Variants in MBNL1 observed in about 807,000 individuals in gnomAD.
MBNL1 encodes the protein muscleblind-like protein 1.
MBNL1 carries 8 observed loss-of-function variants against 42.2 expected under a neutral mutation model. The observed-to-expected ratio is 0.19, with a 90% CI of 0.11 to 0.34. The LOEUF is 0.34. Ranked by LOEUF, MBNL1 falls within the 10% of genes least tolerant of loss-of-function variation. The probability of loss-of-function intolerance (pLI) is 1.00; values close to 1 mark genes in which losing one functional copy is unlikely to be tolerated. For missense variants in MBNL1, 309 were observed against 495.3 expected (o/e 0.62, Z 3.57); for synonymous variants, 169 against 173.9 (o/e 0.97, Z 0.22).
At chr3:152,289,972 T>A (rs1200141083) in intron 1 of MBNL1, among the ~76,000 whole-genome samples, 1 of 151,200 alleles carries the variant, frequency 6.6e-6, no homozygotes, top group Non-Finnish European at 1.5e-5. Context: ...AGTCATTGTA[T>A]TCTGAAAAAT....
chr3:152,455,418 C>T (rs1731729272), intron 6 of MBNL1, 124 bp from the exon 7 acceptor site: 2 of 759,330 alleles, frequency 2.6e-6, no homozygotes, highest in Non-Finnish European at 4.8e-6. Flanking sequence ...TTACATGCCA[C>T]TGTTCCCATA....
rs147145320 is a variant in MBNL1 at position 152,408,263 on chromosome 3, A to T, written c.175-6678A>T. On this transcript the variant is annotated intron_variant, in intron 2 of 9. Coordinates refer to ENST00000324210, the MANE Select transcript of MBNL1 (RefSeq NM_021038.5). ...AACAGGATATATACTATGTATATTT[A>T]CTCTGTGGTATAGTATACTACTTGT... is the stretch of plus-strand genomic sequence containing the variant. Among the ~76,000 whole-genome samples the T allele has an allele frequency of 3.7e-3, 571 of 152,270 alleles. 3 individuals are homozygous for T. The highest frequency in any genetic ancestry group is 0.013 in the African/African-American group (547 of 41,550).
chr3:152,420,977 GGTATCA>G, intron 3 of MBNL1, among the ~76,000 whole-genome samples: 1 of 152,228 alleles, frequency 6.6e-6, no homozygotes, highest in East Asian at 1.9e-4. Context: ...AGCATACACA[GGTATCA>G]GTAGCTGAAT....
chr3:152,449,147 A>G (rs962385871), intron 6 of MBNL1: 2 of 152,218 alleles, frequency 1.3e-5, no homozygotes, highest in Admixed American at 6.5e-5. Flanking sequence ...CAGTTTTTCT[A>G]TAGTCAGATG....
rs2059308976 is a variant in MBNL1 at position 152,297,848 on chromosome 3, G to A, written c.-789-1557G>A. On this transcript the variant is annotated intron_variant, in intron 1 of 9. Coordinates refer to ENST00000324210, the MANE Select transcript of MBNL1 (RefSeq NM_021038.5). ...TTTTTGTATTTTTAATAGATATGGG[G>A]TTTTACCATGTTGGCCAGGCTGGTC... Among the ~76,000 whole-genome samples, 3 of 151,920 alleles carry A rather than the reference G, an allele frequency of 2.0e-5. No individual in the cohort carries two copies. The South Asian group carries it at 6.2e-4, about 32-fold the overall frequency.
chr3:152,330,336 G>A (rs901651746), intron 2 of MBNL1, among the ~76,000 whole-genome samples: 14 of 152,124 alleles, frequency 9.2e-5, no homozygotes, highest in Non-Finnish European at 1.9e-4. Context: ...CTGGCTTCAA[G>A]TGATCCTCCT....
chr3:152,381,971 G>T (rs1470657790), intron 2 of MBNL1, among the ~76,000 whole-genome samples: 10 of 152,010 alleles, frequency 6.6e-5, no homozygotes, highest in Non-Finnish European at 1.0e-4. Context: ...AATTTTTGAG[G>T]CTGGGGACAT....
At chr3:152,293,687 A>G (rs190873356) in intron 1 of MBNL1, among the ~76,000 whole-genome samples, 1 of 152,346 alleles carries the variant, frequency 6.6e-6, no homozygotes, top group East Asian at 1.9e-4. Flanking sequence ...TCCTCAGTAT[A>G]TAACTTATAT....
chr3:152,404,475 G>A (rs1349222449), intron 2 of MBNL1, among the ~76,000 whole-genome samples: 1 of 152,076 alleles, frequency 6.6e-6, no homozygotes, highest in African/African-American at 2.4e-5. Context: ...GTAGGGATAT[G>A]TGGGATCTAG....
chr3:152,446,569 T>G (rs1216250594), intron 5 of MBNL1: 1 of 649,574 alleles, frequency 1.5e-6, no homozygotes, highest in South Asian at 1.9e-5. Context: ...GATGATTTGT[T>G]TTTTTATTTG....
intron 2 of MBNL1, among the ~76,000 whole-genome samples, chr3:152,371,558 C>T (rs981583217): frequency 6.6e-6 from 1 of 152,142 alleles, no homozygotes; most frequent in African/African-American, 2.4e-5. Flanking sequence ...ATCTTGCCAT[C>T]ATACTCCAGC....
At chr3:152,343,716 C>A (rs1294488396) in intron 2 of MBNL1, among the ~76,000 whole-genome samples, 1 of 152,060 alleles carries the variant, frequency 6.6e-6, no homozygotes, top group Non-Finnish European at 1.5e-5. Flanking sequence ...TAAACTGAAA[C>A]TGTCAGTGTA....
At chr3:152,447,538 C>T in intron 5 of MBNL1, 82 bp from the exon 6 acceptor site, 1 of 1,022,728 alleles carries the variant, frequency 9.8e-7, no homozygotes, top group Non-Finnish European at 1.4e-6. Context: ...TGCTTCCTAA[C>T]AATTTTAGCC....
intron 1 of MBNL1, among the ~76,000 whole-genome samples, chr3:152,285,422 G>A (rs1023843819): frequency 6.6e-6 from 1 of 152,132 alleles, no homozygotes; most frequent in East Asian, 1.9e-4. Flanking sequence ...TGCAAGCCTC[G>A]CCTCAATTTA....
chr3:152,306,630 T>A (rs998232657), intron 2 of MBNL1, among the ~76,000 whole-genome samples: 3 of 152,188 alleles, frequency 2.0e-5, no homozygotes, highest in African/African-American at 7.2e-5. Context: ...TTTGTTTTTA[T>A]TTATTATTAT....
At chr3:152,413,207 G>A (rs1192640374) in intron 2 of MBNL1, among the ~76,000 whole-genome samples, 2 of 152,146 alleles carry the variant, frequency 1.3e-5, no homozygotes, top group Non-Finnish European at 2.9e-5. Flanking sequence ...TATGGAATAA[G>A]TTTAATATAT....
At chr3:152,345,512 AT>A (rs1240201010) in intron 2 of MBNL1, among the ~76,000 whole-genome samples, 1 of 152,140 alleles carries the variant, frequency 6.6e-6, no homozygotes, top group Non-Finnish European at 1.5e-5. Flanking sequence ...TGATATATGC[AT>A]TTTTTAAAGC....
At chr3:152,359,204 T>C (rs552736764) in intron 2 of MBNL1, among the ~76,000 whole-genome samples, 5 of 152,346 alleles carry the variant, frequency 3.3e-5, no homozygotes, top group African/African-American at 4.8e-5. Context: ...ACTATATGTA[T>C]TTTGACCTAG....
chr3:152,378,787 G>T (rs1185727424), intron 2 of MBNL1, among the ~76,000 whole-genome samples: 2 of 152,112 alleles, frequency 1.3e-5, no homozygotes, highest in African/African-American at 4.8e-5. Context: ...TGCAATCATG[G>T]CTCACCGCAG....
Sources: gnomAD v4.1 joint callset for allele counts (sites outside exome capture counted in the v4.1 genomes callset) on GRCh38, gnomAD v4.1.1 for gene constraint, MANE v1.5 for transcripts, NCBI Gene and HGNC (gene_info 2026-07-23, HGNC 2026-07-21) for gene names.